Variants in UBE2V2 observed in about 807,000 individuals in gnomAD.
The protein encoded by UBE2V2 is ubiquitin-conjugating enzyme E2 variant 2.
In UBE2V2, 9 loss-of-function variants were observed where a neutral mutation model predicts 17.2. That is an observed-to-expected ratio of 0.52 (90% CI 0.32 to 0.91). The LOEUF (loss-of-function observed/expected upper bound fraction) is 0.91, where lower values mean the gene tolerates loss of function less well. UBE2V2 is among the 40% of genes least tolerant of loss of function. UBE2V2 has a pLI of 0.04. For synonymous variants in UBE2V2, 61 were observed against 57.5 expected (o/e 1.06, Z -0.28); for missense variants, 133 against 182.6 (o/e 0.73, Z 1.56).
upstream of UBE2V2, among the ~76,000 whole-genome samples, chr8:48,003,688 T>TGCTGTACTA (rs1250031638): frequency 6.6e-6 from 1 of 152,154 alleles, no homozygotes; most frequent in African/African-American, 2.4e-5. Context: ...CATATTAGTT[T>TGCTGTACTA]TTTTGCTGTA....
At chr8:48,007,707 G>A (rs901891046), upstream of UBE2V2, among the ~76,000 whole-genome samples, 3 of 150,228 alleles carry the variant, frequency 2.0e-5, no homozygotes, top group Admixed American at 1.3e-4. Context: ...GAGCTTCGGC[G>A]CCCAGCCTGT....
At chr8:48,008,513 G>A in intron 1 of UBE2V2, 43 bp downstream of exon 1, 1 of 1,552,956 alleles carries the variant, frequency 6.4e-7, no homozygotes, top group East Asian at 2.7e-5. Context: ...GCTCCGACCC[G>A]GCTCTGCCCC....
intron 1 of UBE2V2, among the ~76,000 whole-genome samples, chr8:48,012,579 G>A (rs780548284): frequency 1.3e-5 from 2 of 151,828 alleles, no homozygotes; most frequent in Non-Finnish European, 2.9e-5. Flanking sequence ...TTATCCGGGC[G>A]TGGTGGCACA....
At chr8:48,042,775 A>T in intron 1 of UBE2V2, 1 of 278,388 alleles carries the variant, frequency 3.6e-6, no homozygotes, top group Non-Finnish European at 6.6e-6. Flanking sequence ...TGATTGACTT[A>T]CATCAGTATA....
intron 2 of UBE2V2, among the ~76,000 whole-genome samples, chr8:48,044,699 A>T (rs764537250): frequency 8.5e-5 from 13 of 152,100 alleles, no homozygotes; most frequent in Non-Finnish European, 1.6e-4. Flanking sequence ...GGAAGCCTTG[A>T]TTTTCACTGC....
At chr8:48,034,183 G>T (rs1178644328) in intron 1 of UBE2V2, among the ~76,000 whole-genome samples, 2 of 149,666 alleles carry the variant, frequency 1.3e-5, no homozygotes, top group African/African-American at 2.5e-5. Flanking sequence ...GTGCAGTGGT[G>T]CCATCTTGGC....
At chr8:48,019,264 C>G (rs946141790) in intron 1 of UBE2V2, among the ~76,000 whole-genome samples, 2 of 152,120 alleles carry the variant, frequency 1.3e-5, no homozygotes, top group African/African-American at 2.4e-5. Flanking sequence ...ACTTGGGAGG[C>G]TGAGGCAGAG....
chr8:48,043,365 G>A (rs2091477229), intron 2 of UBE2V2, 184 bp downstream of exon 2: 1 of 454,014 alleles, frequency 2.2e-6, no homozygotes, highest in Admixed American at 4.4e-5. Context: ...AGAGGATTGG[G>A]GGGAGGAAGG....
upstream of UBE2V2, among the ~76,000 whole-genome samples, chr8:48,004,634 C>T (rs2091172138): frequency 6.6e-6 from 1 of 151,208 alleles, no homozygotes; most frequent in Admixed American, 6.6e-5. Context: ...TGGGTTCAAG[C>T]AATTCTCTGC....
chr8:48,057,411 T>C (rs1055934044), intron 3 of UBE2V2, among the ~76,000 whole-genome samples: 2 of 151,950 alleles, frequency 1.3e-5, no homozygotes, highest in Admixed American at 6.6e-5. Flanking sequence ...AAGCAATTCC[T>C]GTGTCTCGGC....
In UBE2V2 at chr8:48,043,104, A is replaced by T; in HGVS notation, c.88A>T (p.Thr30Ser). 1 of 1,601,778 alleles carries T rather than the reference A, an allele frequency of 6.2e-7. No individual in the cohort carries two copies. The highest frequency in any genetic ancestry group is 8.5e-7 in the Non-Finnish European group (1 of 1,172,714). ...EEGQKGVGDG[T>S]VSWGLEDDED... ...AGGACAAAAAGGAGTAGGCGACGGTACAGTTAGCTGGGGCCTTGAAGATGA... is the reference window on the plus strand; with the variant it reads ...AGGACAAAAAGGAGTAGGCGACGGTTCAGTTAGCTGGGGCCTTGAAGATGA... The change falls in exon 2 of 4, where the codon ACA (threonine) becomes TCA (serine). Residue 30 changes from threonine (T) to serine (S), a missense_variant. Physicochemically the swap from Thr to Ser is moderately conservative, Grantham distance 58. Transcript: ENST00000523111.
At chr8:48,043,346 C>T (rs1033333018) in intron 2 of UBE2V2, among the ~76,000 whole-genome samples, 165 bp downstream of exon 2, 4 of 151,940 alleles carry the variant, frequency 2.6e-5, no homozygotes, top group Non-Finnish European at 4.4e-5. Context: ...ATATAATGCT[C>T]GATTACGTAG....
chr8:48,015,884 TTGTC>T (rs779626399), intron 1 of UBE2V2, among the ~76,000 whole-genome samples: 4 of 151,954 alleles, frequency 2.6e-5, no homozygotes, highest in Non-Finnish European at 5.9e-5. Context: ...CTTTATCCAT[TTGTC>T]TGTGTGGTTT....
At chr8:48,058,825 T>A (rs985394576) in intron 3 of UBE2V2, among the ~76,000 whole-genome samples, 7 of 151,860 alleles carry the variant, frequency 4.6e-5, no homozygotes, top group South Asian at 2.1e-4. Flanking sequence ...GTTTTTGTTC[T>A]CTGTTCTGTT....
intron 1 of UBE2V2, among the ~76,000 whole-genome samples, chr8:48,020,276 A>G (rs957369038): frequency 1.3e-5 from 2 of 151,894 alleles, no homozygotes; most frequent in East Asian, 1.9e-4. Context: ...GGCTCAAACA[A>G]TTTTCCCTCC....
intron 1 of UBE2V2, among the ~76,000 whole-genome samples, chr8:48,041,447 C>T (rs1207834630): frequency 6.6e-6 from 1 of 152,098 alleles, no homozygotes; most frequent in Admixed American, 6.5e-5. Flanking sequence ...GAGACTCTGT[C>T]TCACACACAC....
rs45500093 is a variant in UBE2V2, at chr8:48,062,209, T to C, written c.*1381T>C. On this transcript the variant is annotated 3_prime_UTR_variant, in exon 4 of 4. Coordinates refer to ENST00000523111, the MANE Select transcript of UBE2V2 (RefSeq NM_003350.3). ...TCAGGTAAAGTCTACTTTTATTTTG[T>C]CAAGCTTAATAATTTGTGTCATACT... 3.9e-5 allele frequency: 6 copies of C among 152,340 alleles called. No homozygotes were observed. The East Asian group carries it at 9.6e-4, about 24-fold the overall frequency. The allele number at this position is 152,340 out of a possible 1,614,324, so 9.4% of individuals were successfully genotyped here. A position where few individuals can be genotyped will look rare whatever the true frequency, so the allele number is the denominator to read the frequency against.
upstream of UBE2V2, among the ~76,000 whole-genome samples, chr8:48,004,809 G>A (rs946412325): frequency 6.6e-5 from 10 of 151,808 alleles, no homozygotes; most frequent in African/African-American, 2.2e-4. Flanking sequence ...GATTACAGGC[G>A]TGAGCCACCG....
chr8:48,028,310 G>A (rs1188788982), intron 1 of UBE2V2, among the ~76,000 whole-genome samples: 3 of 151,696 alleles, frequency 2.0e-5, no homozygotes, highest in African/African-American at 7.2e-5. Flanking sequence ...TAGGATTACA[G>A]GTGTGTGCCA....
Sources: gnomAD v4.1 joint callset for allele counts (sites outside exome capture counted in the v4.1 genomes callset) on GRCh38, gnomAD v4.1.1 for gene constraint, MANE v1.5 for transcripts, NCBI Gene and HGNC (gene_info 2026-07-23, HGNC 2026-07-21) for gene names.